The following ARHGAP19 variants were observed in gnomAD, a reference collection of about 807,000 sequenced individuals.
The protein encoded by ARHGAP19 is Rho GTPase activating protein 19.
In ARHGAP19, 48 loss-of-function variants were observed where a neutral mutation model predicts 60.9. That is an observed-to-expected ratio of 0.79 (90% CI 0.62 to 1.00). ARHGAP19 has a LOEUF of 1.00. ARHGAP19 is among the 50% of genes least tolerant of loss of function. The pLI is 0.00. For synonymous variants in ARHGAP19, 209 were observed against 215.5 expected (o/e 0.97, Z 0.27); for missense variants, 562 against 597.2 (o/e 0.94, Z 0.61).
intron 6 of ARHGAP19, among the ~76,000 whole-genome samples, chr10:97,254,698 A>T (rs1347198435): frequency 6.6e-6 from 1 of 152,174 alleles, no homozygotes; most frequent in Non-Finnish European, 1.5e-5. Context: ...ACTTCATAAA[A>T]TTTTTTTAAA....
chr10:97,264,927 A>T, intron 2 of ARHGAP19, 21 bp from the exon 3 acceptor site: 1 of 1,566,292 alleles, frequency 6.4e-7, no homozygotes, highest in Non-Finnish European at 8.8e-7. Context: ...ATATGATATG[A>T]CAGGGCTATA....
In ARHGAP19 at chr10:97,235,206, A is replaced by G; in HGVS notation, c.1284+11T>C. 1 of 1,595,892 alleles carries G rather than the reference A, an allele frequency of 6.3e-7. No homozygotes were observed. The highest frequency in any genetic ancestry group is 1.3e-5 in the African/African-American group (1 of 74,466). ...AAATCAATGCTGAAAACGACAGCCC[A>G]GCATACCTACCTTAATAAGCCCACT... On this transcript the variant is annotated intron_variant, in intron 9 of 11. Coordinates refer to ENST00000358531, the MANE Select transcript of ARHGAP19 (RefSeq NM_032900.6).
chr10:97,281,604 C>A (rs2247283), intron 1 of ARHGAP19, among the ~76,000 whole-genome samples: 136,591 of 152,160 alleles, frequency 0.9, 61,962 homozygotes, highest in Non-Finnish European at 0.97. Flanking sequence ...TGTAACTTTA[C>A]GGTATTGTAA....
intron 6 of ARHGAP19, among the ~76,000 whole-genome samples, chr10:97,251,421 G>A (rs1371853649): frequency 1.5e-5 from 1 of 66,678 alleles, no homozygotes; most frequent in Non-Finnish European, 3.0e-5. Context: ...AAAGGAAGGG[G>A]AAGGGAAGGG....
chr10:97,237,180 G>C (rs1842393722), intron 8 of ARHGAP19, among the ~76,000 whole-genome samples: 1 of 145,622 alleles, frequency 6.9e-6, no homozygotes, highest in South Asian at 2.4e-4. Context: ...TGGGAGGATG[G>C]CTTGAACCCA....
intron 7 of ARHGAP19, 96 bp downstream of exon 7, chr10:97,246,176 T>G: frequency 9.7e-7 from 1 of 1,028,152 alleles, no homozygotes; most frequent in Non-Finnish European, 1.5e-6. Flanking sequence ...AACTTATTAT[T>G]TTCCATGCTT....
chr10:97,252,012 C>T (rs1242367310), intron 6 of ARHGAP19, among the ~76,000 whole-genome samples: 1 of 151,506 alleles, frequency 6.6e-6, no homozygotes, highest in East Asian at 1.9e-4. Context: ...TAGAAATTGG[C>T]CTTAACTGTA....
At chr10:97,238,263 T>C (rs1170434184) in intron 8 of ARHGAP19, among the ~76,000 whole-genome samples, 1 of 152,204 alleles carries the variant, frequency 6.6e-6, no homozygotes, top group Non-Finnish European at 1.5e-5. Flanking sequence ...TGGAGTGCAG[T>C]GGTGCGGATC....
At position 97,235,281 on chromosome 10, in the gene ARHGAP19, C is replaced by T. The variant is rs368950765; in HGVS notation, c.1220G>A (p.Arg407Gln). The T allele has an allele frequency of 1.7e-5, 28 of 1,613,644 alleles. No individual in the cohort carries two copies. The highest frequency in any genetic ancestry group is 2.3e-5 in the Non-Finnish European group (27 of 1,179,800). ...NKQSLTQTPGREPSTSQVQKR... is the reference protein window; with the variant it reads ...NKQSLTQTPGQEPSTSQVQKR... ...TTGTACCTGGGAAGTAGAAGGTTCT[C>T]GCCCTGGTGTCTGGGTCAATGATTG... The change falls in exon 9 of 12, where the codon CGA becomes CAA. Residue 407 changes from arginine (R) to glutamine (Q), a missense_variant. By Grantham distance (43) the Arg-to-Gln change is conservative (BLOSUM62 1). Coordinates refer to ENST00000358531, the MANE Select transcript of ARHGAP19 (RefSeq NM_032900.6).
At chr10:97,264,742 C>T in intron 3 of ARHGAP19, 84 bp downstream of exon 3, 2 of 941,646 alleles carry the variant, frequency 2.1e-6, no homozygotes, top group South Asian at 1.5e-5. Flanking sequence ...TTAATTGGCA[C>T]CTACTAACTC....
At chr10:97,250,311 A>G (rs928688237) in intron 6 of ARHGAP19, among the ~76,000 whole-genome samples, 6 of 152,130 alleles carry the variant, frequency 3.9e-5, no homozygotes, top group African/African-American at 1.4e-4. Context: ...ACTTTTCTCT[A>G]TATTTGAAAT....
At chr10:97,252,079 G>A (rs1350940400) in intron 6 of ARHGAP19, among the ~76,000 whole-genome samples, 1 of 152,040 alleles carries the variant, frequency 6.6e-6, no homozygotes, top group African/African-American at 2.4e-5. Flanking sequence ...AAACCAGACT[G>A]AAAGAGATGG....
At chr10:97,269,027 C>T (rs552134724) in intron 1 of ARHGAP19, among the ~76,000 whole-genome samples, 1 of 152,122 alleles carries the variant, frequency 6.6e-6, no homozygotes, top group Non-Finnish European at 1.5e-5. Flanking sequence ...ATATCTCAGT[C>T]GGGCAGAATT....
At chr10:97,242,324 CTTTTTTTTT>C (rs1164708198) in intron 8 of ARHGAP19, among the ~76,000 whole-genome samples, 6 of 55,786 alleles carry the variant, frequency 1.1e-4, no homozygotes, top group African/African-American at 3.7e-4. Flanking sequence ...TATCAGTGTT[CTTTTTTTTT>C]TTTTTTTTTT....
intron 1 of ARHGAP19, 74 bp from the exon 2 acceptor site, chr10:97,266,199 T>G: frequency 6.5e-7 from 1 of 1,546,624 alleles, no homozygotes; most frequent in Non-Finnish European, 8.8e-7. Context: ...TTGGGTTATT[T>G]GGTCCTGACT....
chr10:97,248,886 C>T (rs544315593), intron 6 of ARHGAP19, among the ~76,000 whole-genome samples: 3 of 152,108 alleles, frequency 2.0e-5, no homozygotes, highest in Non-Finnish European at 4.4e-5. Flanking sequence ...GGCATAATCT[C>T]GGCTCAGTGC....
chr10:97,251,893 A>G (rs1842688202), intron 6 of ARHGAP19, among the ~76,000 whole-genome samples: 1 of 150,606 alleles, frequency 6.6e-6, no homozygotes, highest in Non-Finnish European at 1.5e-5. Flanking sequence ...CTTACATGAA[A>G]GTCTGAGTTC....
chr10:97,248,740 C>A (rs943549749), intron 6 of ARHGAP19, among the ~76,000 whole-genome samples: 1 of 152,164 alleles, frequency 6.6e-6, no homozygotes, highest in Non-Finnish European at 1.5e-5. Context: ...AAAGACAATA[C>A]AGTCCTGTCA....
rs74152149 is a variant in ARHGAP19, at chr10:97,225,982, C to A, written c.*140G>T. On this transcript the variant is annotated 3_prime_UTR_variant, in exon 12 of 12. Transcript: ENST00000358531. The stretch of plus-strand genomic sequence containing the variant: ...AGTGAGTGGGGTTAGAGGTATCAGT[C>A]GGGTCACGGTATTAGTTGGCTTTGA... 3 of 815,568 alleles carry A rather than the reference C, an allele frequency of 3.7e-6. No homozygotes were observed. Among genetic ancestry groups the A allele is most frequent in the Admixed American group, 2.5e-5 (1 of 40,590 alleles). The allele number at this position is 815,568 out of a possible 1,614,324, so 50.5% of individuals were successfully genotyped here.
Sources: allele counts gnomAD v4.1 joint callset (sites outside exome capture counted in the v4.1 genomes callset), GRCh38; gene constraint gnomAD v4.1.1; transcripts MANE v1.5; gene names NCBI Gene and HGNC (gene_info 2026-07-23, HGNC 2026-07-21).